FSTL4: variants seen among roughly 807,000 people sequenced by gnomAD.
FSTL4 encodes the protein follistatin-related protein 4.
In FSTL4, 28 loss-of-function variants were observed where a neutral mutation model predicts 78.2. That is an observed-to-expected ratio of 0.36 (90% CI 0.27 to 0.49). The LOEUF is 0.49. Among genes scored for constraint, FSTL4 ranks in the 20% least tolerant of loss-of-function variants. The pLI, the probability that FSTL4 is intolerant of heterozygous loss-of-function variation, is 0.98. For synonymous variants in FSTL4, 422 were observed against 440.5 expected (o/e 0.96, Z 0.53); for missense variants, 922 against 1,084.9 (o/e 0.85, Z 2.11).
chr5:133,810,295 A>C, the FSTL4 span, among the ~76,000 whole-genome samples: 3,166 of 152,322 alleles, frequency 0.021, 126 homozygotes, highest in African/African-American at 0.073. Context: ...TTCTTCTGGC[A>C]CAGCCTTCCC....
the FSTL4 span, among the ~76,000 whole-genome samples, chr5:133,824,270 C>T: frequency 1.3e-5 from 2 of 152,230 alleles, no homozygotes; most frequent in Non-Finnish European, 2.9e-5. Flanking sequence ...CTGATGGACC[C>T]ACTATAAATG....
At chr5:133,840,544 A>G in the FSTL4 span, among the ~76,000 whole-genome samples, 2 of 152,222 alleles carry the variant, frequency 1.3e-5, no homozygotes, top group East Asian at 3.8e-4. Flanking sequence ...CTGAAGGTAA[A>G]GGTCCCAGGG....
chr5:133,431,845 T>G (rs894928490), intron 3 of FSTL4, among the ~76,000 whole-genome samples: 1 of 152,170 alleles, frequency 6.6e-6, no homozygotes, highest in Non-Finnish European at 1.5e-5. Flanking sequence ...AAAATTGTAT[T>G]CAGGGTCCAG....
At chr5:133,559,537 G>A (rs1195355436) in intron 3 of FSTL4, among the ~76,000 whole-genome samples, 2 of 152,164 alleles carry the variant, frequency 1.3e-5, no homozygotes, top group African/African-American at 4.8e-5. Flanking sequence ...CTGTCTTTTG[G>A]TCCTTAGGAA....
At chr5:133,663,198 G>A in the FSTL4 span, among the ~76,000 whole-genome samples, 4,911 of 152,196 alleles carry the variant, frequency 0.032, 105 homozygotes, top group East Asian at 0.085. Context: ...AAGTATCATA[G>A]AACTACACAC....
the FSTL4 span, among the ~76,000 whole-genome samples, chr5:133,830,282 G>A: frequency 6.6e-6 from 1 of 152,288 alleles, no homozygotes; most frequent in East Asian, 1.9e-4. Flanking sequence ...CAGGCTTCTG[G>A]GCCATAAATC....
At position 133,220,816 on chromosome 5, in the gene FSTL4, C is replaced by A. The variant is rs147996597; in HGVS notation, c.1390G>T (p.Val464Phe). 1 of 1,613,338 alleles carries A rather than the reference C, an allele frequency of 6.2e-7. No individual in the cohort carries two copies. Among genetic ancestry groups the A allele is most frequent in the South Asian group, 1.1e-5 (1 of 91,050 alleles). Residue 464 changes from valine to phenylalanine, a missense_variant, in exon 12 of 16, where the codon GTC becomes TTC. Coordinates refer to ENST00000265342, the MANE Select transcript of FSTL4 (RefSeq NM_015082.2). ...FYVFSDDGIIVIHPVDCEIQR... is the reference protein window; with the variant it reads ...FYVFSDDGIIFIHPVDCEIQR... Reference sequence around the variant, plus strand: ...ATCTCACAGTCCACAGGATGGATGACGATGATACCGTCGTCGGAGAAGACA... The same window carrying A: ...ATCTCACAGTCCACAGGATGGATGAAGATGATACCGTCGTCGGAGAAGACA...
intron 3 of FSTL4, among the ~76,000 whole-genome samples, chr5:133,497,054 C>T (rs983201272): frequency 3.3e-5 from 5 of 152,188 alleles, no homozygotes; most frequent in East Asian, 1.9e-4. Flanking sequence ...TCATGGGTGC[C>T]GTGCTATAAA....
At chr5:133,709,729 T>G in the FSTL4 span, among the ~76,000 whole-genome samples, 1 of 152,240 alleles carries the variant, frequency 6.6e-6, no homozygotes, top group African/African-American at 2.4e-5. Flanking sequence ...GGCCAGAGAC[T>G]CCACTGTAAA....
the FSTL4 span, among the ~76,000 whole-genome samples, chr5:133,671,848 G>A: frequency 6.6e-6 from 1 of 152,252 alleles, no homozygotes; most frequent in African/African-American, 2.4e-5. Flanking sequence ...GCTTGGACCA[G>A]TATAAGCATG....
At position 133,426,518 on chromosome 5, in the gene FSTL4, A is replaced by G. The variant is rs1373731764; in HGVS notation, c.161-25532T>C. Among the ~76,000 whole-genome samples, 1 of 152,214 alleles carries G rather than the reference A, an allele frequency of 6.6e-6. No homozygotes were observed. The highest frequency in any genetic ancestry group is 1.5e-5 in the Non-Finnish European group (1 of 68,022). On this transcript the variant is annotated intron_variant, in intron 3 of 15. Coordinates refer to ENST00000265342, the MANE Select transcript of FSTL4 (RefSeq NM_015082.2). This position sits in a 1 kb window ranked among gnomAD's most constrained non-coding sequence, Gnocchi z 5.0. ...AAGAGACTAACAATTCTGATCCCTC[A>G]TAACGGAGCTCTCATGGCCAATTAG...
chr5:133,328,479 A>T (rs11750014), intron 4 of FSTL4, among the ~76,000 whole-genome samples: 9,231 of 152,242 alleles, frequency 0.061, 307 homozygotes, highest in African/African-American at 0.079. Context: ...TGACTGGCAG[A>T]TCTGTCAGGT....
chr5:133,812,226 G>A, the FSTL4 span, among the ~76,000 whole-genome samples: 1 of 152,162 alleles, frequency 6.6e-6, no homozygotes, highest in Non-Finnish European at 1.5e-5. Flanking sequence ...TTGCCTGGGA[G>A]GACCCTCTTC....
At chr5:133,644,362 G>A in the FSTL4 span, among the ~76,000 whole-genome samples, 9 of 151,924 alleles carry the variant, frequency 5.9e-5, no homozygotes, top group African/African-American at 2.2e-4. Context: ...ACTGAACCGT[G>A]AAACCCACAG....
the FSTL4 span, among the ~76,000 whole-genome samples, chr5:133,723,752 C>T: frequency 7.9e-5 from 12 of 152,158 alleles, no homozygotes; most frequent in African/African-American, 2.9e-4. Flanking sequence ...CTTTTGATCC[C>T]TGGGGGATAG....
chr5:133,555,174 C>G (rs1486188058), intron 3 of FSTL4, among the ~76,000 whole-genome samples: 2 of 152,232 alleles, frequency 1.3e-5, no homozygotes, highest in African/African-American at 4.8e-5. Flanking sequence ...TTCCTCCATA[C>G]ACATTTTGAA....
intron 3 of FSTL4, among the ~76,000 whole-genome samples, chr5:133,420,788 A>G (rs2126986951): frequency 6.6e-6 from 1 of 152,346 alleles, no homozygotes; most frequent in South Asian, 2.1e-4. Context: ...GCTGTAGAGT[A>G]ATACAGGGTC....
chr5:133,358,266 A>G (rs947372298), intron 4 of FSTL4, among the ~76,000 whole-genome samples: 1 of 152,242 alleles, frequency 6.6e-6, no homozygotes, highest in Non-Finnish European at 1.5e-5. Context: ...AAGGGGACAT[A>G]CTCATAGTTT....
chr5:133,524,128 C>T (rs1463941345), intron 3 of FSTL4, among the ~76,000 whole-genome samples: 1 of 152,114 alleles, frequency 6.6e-6, no homozygotes, highest in African/African-American at 2.4e-5. Context: ...AGGGTGGGAG[C>T]AGGTGTGTCC....
Sources: gnomAD v4.1 joint callset for allele counts (sites outside exome capture counted in the v4.1 genomes callset) on GRCh38, gnomAD v4.1.1 for gene constraint, Gnocchi (gnomAD v3.1) non-coding constraint, MANE v1.5 for transcripts, NCBI Gene and HGNC (gene_info 2026-07-23, HGNC 2026-07-21) for gene names.